The following SOCS7 variants were observed in gnomAD, a reference collection of about 807,000 sequenced individuals.
SOCS7 encodes the protein NAP-4.
SOCS7 carries 18 observed loss-of-function variants against 58.9 expected under a neutral mutation model. The observed-to-expected ratio is 0.31, with a 90% CI of 0.21 to 0.45. The LOEUF (loss-of-function observed/expected upper bound fraction) is 0.45, where lower values mean the gene tolerates loss of function less well. Among genes scored for constraint, SOCS7 ranks in the 20% least tolerant of loss-of-function variants. The probability of loss-of-function intolerance (pLI) is 1.00; values close to 1 mark genes in which losing one functional copy is unlikely to be tolerated. For synonymous variants in SOCS7, 388 were observed against 364.3 expected, an observed-to-expected ratio of 1.06 and a Z score of -0.74; for missense variants, 667 against 837.3, an observed-to-expected ratio of 0.80 and a Z score of 2.51.
chr17:38,395,909 T>C lies in SOCS7; in HGVS notation c.1879T>C (p.Ser627Pro), dbSNP rs1484171752. 2 of 1,611,644 alleles carry C rather than the reference T, an allele frequency of 1.2e-6. No homozygotes were observed. The highest frequency in any genetic ancestry group is 2.2e-5 in the East Asian group (1 of 44,838). ...YYDPQEEVYL[S>P]LKEAQLISKQ... The stretch of plus-strand genomic sequence containing the variant: ...TGATCCTCAGGAAGAGGTATACCTG[T>C]CTCTAAAGGAAGCGCAGCTCATTTC... Residue 627 changes from serine (S) to proline (P), a missense_variant, in exon 9 of 10, where the codon TCT (serine) becomes CCT (proline). Around this residue, in one of 9 missense-constraint regions of SOCS7, gnomAD observed 40 missense variants for 45.6 expected, o/e 0.88. Coordinates refer to ENST00000612932, the MANE Select transcript of SOCS7 (RefSeq NM_014598.4).
intron 7 of SOCS7, among the ~76,000 whole-genome samples, chr17:38,387,600 C>CACAATATATTGTATATAATATAT (rs2038094439): frequency 1.1e-5 from 1 of 89,690 alleles, no homozygotes; most frequent in Non-Finnish European, 2.0e-5. Context: ...ATATTATATA[C>CACAATATATTGTATATAATATAT]ACAATATATT....
chr17:38,378,185 C>T (rs1025100420), intron 7 of SOCS7, among the ~76,000 whole-genome samples: 4 of 152,124 alleles, frequency 2.6e-5, no homozygotes, highest in Non-Finnish European at 5.9e-5. Flanking sequence ...TCAGGTCCTA[C>T]CCATAGGAAC....
chr17:38,378,461 C>A (rs1217095438), intron 7 of SOCS7, among the ~76,000 whole-genome samples: 2 of 152,060 alleles, frequency 1.3e-5, no homozygotes, highest in African/African-American at 4.8e-5. Flanking sequence ...CTTCAGTGAG[C>A]TGTGATCATG....
chr17:38,356,348 T>G (rs1332337072), intron 1 of SOCS7, among the ~76,000 whole-genome samples: 1 of 151,492 alleles, frequency 6.6e-6, no homozygotes, highest in Non-Finnish European at 1.5e-5. Flanking sequence ...GCCACTGCAT[T>G]CCAGCCTGGG....
At chr17:38,363,025 A>C (rs587754176) in intron 2 of SOCS7, among the ~76,000 whole-genome samples, 1 of 152,216 alleles carries the variant, frequency 6.6e-6, no homozygotes, top group African/African-American at 2.4e-5. Flanking sequence ...GAGGCAGGAG[A>C]ATCGCTTGAA....
rs1163991299 is a variant in SOCS7, at chr17:38,405,501, G to C, written c.*6019G>C. On this transcript the variant is annotated 3_prime_UTR_variant, in exon 10 of 10. Transcript: ENST00000612932. ...TCAGTGCGAGAGACATTTGACTCTT[G>C]TGTTTGTATCTCCTTTTTATGATTG... 6.6e-6 allele frequency: 1 copy of C among 152,182 alleles called. No individual in the cohort carries two copies. The highest frequency in any genetic ancestry group is 1.5e-5 in the Non-Finnish European group (1 of 68,030). 9.4% of individuals were successfully genotyped at this position (152,182 alleles called of 1,614,324 possible).
At chr17:38,354,809 C>T (rs587601549) in intron 1 of SOCS7, among the ~76,000 whole-genome samples, 5 of 152,256 alleles carry the variant, frequency 3.3e-5, no homozygotes, top group South Asian at 4.1e-4. Flanking sequence ...ACCAGGAGTT[C>T]GTCTGAGATT....
intron 6 of SOCS7, among the ~76,000 whole-genome samples, chr17:38,370,992 T>TA (rs1257594777): frequency 1.3e-5 from 2 of 152,230 alleles, no homozygotes; most frequent in African/African-American, 4.8e-5. Context: ...GCCTTTCCGT[T>TA]ACCAGTTTGC....
intron 6 of SOCS7, among the ~76,000 whole-genome samples, chr17:38,372,030 C>T (rs1397011408): frequency 1.3e-5 from 2 of 151,998 alleles, no homozygotes; most frequent in African/African-American, 4.8e-5. Flanking sequence ...CTCGACTATT[C>T]CATATGGTCT....
At chr17:38,372,332 C>T (rs1019997270) in intron 6 of SOCS7, among the ~76,000 whole-genome samples, 2 of 152,034 alleles carry the variant, frequency 1.3e-5, no homozygotes, top group African/African-American at 2.4e-5. Context: ...GCACACAAAC[C>T]GTACATGGCA....
At chr17:38,363,886 A>C (rs1471898940) in intron 2 of SOCS7, among the ~76,000 whole-genome samples, 4 of 152,200 alleles carry the variant, frequency 2.6e-5, no homozygotes, top group Non-Finnish European at 4.4e-5. Context: ...CTTGTGCATC[A>C]GGCCTGCCAA....
rs773479428 is a variant in SOCS7 at position 38,366,380 on chromosome 17, C to T, written c.1346C>T (p.Ser449Leu). 1 of 1,614,232 alleles carries T rather than the reference C, an allele frequency of 6.2e-7. No homozygotes were observed. Among genetic ancestry groups the T allele is most frequent in the Non-Finnish European group, 8.5e-7 (1 of 1,180,050 alleles). The change falls in exon 5 of 10, where the codon TCG becomes TTG. Residue 449 changes from serine to leucine, a missense_variant. Physicochemically the swap from Ser to Leu is moderately radical, Grantham distance 145. Transcript: ENST00000612932. Reference protein sequence around the residue: ...HLQCPLYRPDSSSFAASLREL... With the variant: ...HLQCPLYRPDLSSFAASLREL... ...CAGTGTCCCCTCTACCGGCCTGACT[C>T]GAGCAGCTTTGCAGCCAGCCTTCGA...
At position 38,352,855 on chromosome 17, in the gene SOCS7, C is replaced by T. The variant is rs1344672065; in HGVS notation, c.803C>T (p.Pro268Leu). 1.3e-6 allele frequency: 2 copies of T among 1,586,194 alleles called. No individual in the cohort carries two copies. Among genetic ancestry groups the T allele is most frequent in the Non-Finnish European group, 1.7e-6 (2 of 1,166,712 alleles). The change falls in exon 1 of 10, where the codon CCT (proline) becomes CTT (leucine). Residue 268 changes from proline to leucine, a missense_variant. By Grantham distance (98) the Pro-to-Leu change is moderately conservative (BLOSUM62 -3). Around this residue, in one of 9 missense-constraint regions of SOCS7, gnomAD observed 208 missense variants for 190.3 expected, o/e 1.09. Coordinates refer to ENST00000612932, the MANE Select transcript of SOCS7 (RefSeq NM_014598.4). The surrounding 1 kb of genome is among the most constrained non-coding windows in gnomAD (Gnocchi z 5.5). Reference sequence around the variant, plus strand: ...GGGCCCCTCCGGCCACTCGCGGGTCCTTCTCGGAAGGGCTCCTTCAAAATC... The same window carrying T: ...GGGCCCCTCCGGCCACTCGCGGGTCTTTCTCGGAAGGGCTCCTTCAAAATC... ...PPGPLRPLAG[P>L]SRKGSFKIRL...
At chr17:38,356,749 G>T (rs1555566869) in intron 1 of SOCS7, among the ~76,000 whole-genome samples, 1 of 152,174 alleles carries the variant, frequency 6.6e-6, no homozygotes, top group Non-Finnish European at 1.5e-5. Flanking sequence ...GGGGAACTGG[G>T]CTAGGGCTTA....
chr17:38,373,832 C>A (rs896844575), intron 6 of SOCS7, among the ~76,000 whole-genome samples: 2 of 152,216 alleles, frequency 1.3e-5, no homozygotes, highest in Non-Finnish European at 2.9e-5. Flanking sequence ...CTTTAACACT[C>A]ATTGCACTTG....
chr17:38,403,794 T>G lies in SOCS7; in HGVS notation c.*4312T>G, dbSNP rs1254241433. ...TCCCTATGGGAATCCTCGGTTTGGT[T>G]TGTGGGAAAGGAGGGAATGGATAAG... On this transcript the variant is annotated 3_prime_UTR_variant, in exon 10 of 10. Coordinates refer to ENST00000612932, the MANE Select transcript of SOCS7 (RefSeq NM_014598.4). 1 of 152,082 alleles carries G rather than the reference T, an allele frequency of 6.6e-6. No homozygotes were observed. Among genetic ancestry groups the G allele is most frequent in the Non-Finnish European group, 1.5e-5 (1 of 68,028 alleles). 9.4% of individuals were successfully genotyped at this position (152,082 alleles called of 1,614,324 possible).
intron 7 of SOCS7, among the ~76,000 whole-genome samples, chr17:38,383,471 T>C (rs2144372302): frequency 6.6e-6 from 1 of 152,300 alleles, no homozygotes. Context: ...CAGATATCCT[T>C]GTGATATCCT....
At chr17:38,369,075 C>G (rs1399316734) in intron 6 of SOCS7, among the ~76,000 whole-genome samples, 1 of 152,196 alleles carries the variant, frequency 6.6e-6, no homozygotes, top group Admixed American at 6.5e-5. Context: ...TTGTGATGGT[C>G]ATTGTTTCTG....
At chr17:38,374,073 T>G (rs556783183) in intron 6 of SOCS7, among the ~76,000 whole-genome samples, 3 of 135,906 alleles carry the variant, frequency 2.2e-5, no homozygotes, top group Non-Finnish European at 4.6e-5. Context: ...ATACAAAAAT[T>G]AGCCAGGCTG....
Sources: allele counts gnomAD v4.1 joint callset (sites outside exome capture counted in the v4.1 genomes callset), GRCh38; gene constraint gnomAD v4.1.1; regional missense constraint gnomAD v4.1.1; non-coding constraint Gnocchi (gnomAD v3.1); transcripts MANE v1.5; gene names NCBI Gene and HGNC (gene_info 2026-07-23, HGNC 2026-07-21).